Variants in ERBB4 observed in about 807,000 individuals in gnomAD.
ERBB4 encodes the protein erb-b2 receptor tyrosine kinase 4.
In ERBB4, 42 loss-of-function variants were observed where a neutral mutation model predicts 158.0. The ratio of observed to expected loss-of-function variants is 0.27; its 90% CI spans 0.21 to 0.34. The LOEUF (loss-of-function observed/expected upper bound fraction) is 0.34, where lower values mean the gene tolerates loss of function less well. ERBB4 is among the 10% of genes least tolerant of loss of function. The pLI, the probability that ERBB4 is intolerant of heterozygous loss-of-function variation, is 1.00. For missense variants in ERBB4, 1,333 were observed against 1,624.1 expected (o/e 0.82, Z 3.08); for synonymous variants, 583 against 558.7 (o/e 1.04, Z -0.61).
chr2:211,787,887 G>T (rs150248787), intron 4 of ERBB4, 138 bp downstream of exon 4: 2 of 760,418 alleles, frequency 2.6e-6, no homozygotes, highest in Non-Finnish European at 4.3e-6. Context: ...TCAGCCATTT[G>T]TTCTGCCATA....
chr2:212,022,547 G>C (rs1463258359), intron 2 of ERBB4, among the ~76,000 whole-genome samples: 1 of 152,006 alleles, frequency 6.6e-6, no homozygotes, highest in Non-Finnish European at 1.5e-5. Flanking sequence ...GTGTAGAGTG[G>C]GGAGAGCATC....
rs528082386 is a variant in ERBB4, at chr2:211,657,806, C to T, written c.1894G>A (p.Asp632Asn). 1 of 1,613,956 alleles carries T rather than the reference C, an allele frequency of 6.2e-7. No homozygotes were observed. Among genetic ancestry groups the T allele is most frequent in the East Asian group, 2.2e-5 (1 of 44,868 alleles). ...TQGCNGPTSH[D>N]CIYYPWTGHS... is the part of the protein sequence containing the mutation. The stretch of plus-strand genomic sequence containing the variant: ...CCCGTCCATGGGTAGTAAATGCAGT[C>T]ATGACTAGTGGGACCGTTACACCTG... Residue 632 changes from aspartate (D) to asparagine (N), a missense_variant, in exon 16 of 28, where the codon GAC becomes AAC. By Grantham distance (23) the Asp-to-Asn change is conservative. Transcript: ENST00000342788.
intron 12 of ERBB4, among the ~76,000 whole-genome samples, chr2:211,696,855 A>G (rs1486110198): frequency 6.6e-6 from 1 of 151,906 alleles, no homozygotes; most frequent in Non-Finnish European, 1.5e-5. Flanking sequence ...TTTTTACTAG[A>G]GACGGGGTTT....
rs536342276 is a variant in ERBB4, at chr2:211,657,225, G to A, written c.1946+529C>T. On this transcript the variant is annotated intron_variant, in intron 16 of 27. Coordinates refer to ENST00000342788, the MANE Select transcript of ERBB4 (RefSeq NM_005235.3). Reference sequence around the variant, plus strand: ...GTTTAGACTACACAAATTAAAAATCGAGGCCGGGCACAGTGGCTCACACTT... The same window carrying A: ...GTTTAGACTACACAAATTAAAAATCAAGGCCGGGCACAGTGGCTCACACTT... Among the ~76,000 whole-genome samples the A allele has an allele frequency of 1.1e-4, 16 of 151,042 alleles. 1 individual carries two copies. The highest frequency in any genetic ancestry group is 3.0e-4 in the African/African-American group (12 of 40,652).
chr2:211,652,174 C>T (rs1034226572), intron 16 of ERBB4, among the ~76,000 whole-genome samples: 15 of 152,174 alleles, frequency 9.9e-5, no homozygotes, highest in Middle Eastern at 3.4e-3. Flanking sequence ...TGAGCTGAGA[C>T]GTTTTGCTCT....
At chr2:212,003,212 A>AAG (rs2076172881) in intron 2 of ERBB4, among the ~76,000 whole-genome samples, 3 of 40,502 alleles carry the variant, frequency 7.4e-5, no homozygotes, top group African/African-American at 1.9e-4. Context: ...AAAGACAGAA[A>AAG]GAAGGAAGGA....
chr2:212,471,730 T>C (rs1689127730), intron 1 of ERBB4, among the ~76,000 whole-genome samples: 1 of 151,922 alleles, frequency 6.6e-6, no homozygotes, highest in South Asian at 2.1e-4. Flanking sequence ...ATAAAGAAGA[T>C]TCAAAGTTAC....
intron 2 of ERBB4, among the ~76,000 whole-genome samples, chr2:211,974,156 A>G (rs767237206): frequency 3.3e-5 from 5 of 152,176 alleles, no homozygotes; most frequent in Non-Finnish European, 5.9e-5. Flanking sequence ...TGAATGATGA[A>G]ATAATCTGTA....
At position 212,003,200 on chromosome 2, in the gene ERBB4, AGAAAGACAGAAAGAAGGAAG is replaced by A. The variant is rs1398798424; in HGVS notation, c.235-55604_235-55585del. ...AAGAAAGAAAGAAAGAAAGAAAGAAAGAAAGACAGAAAGAAGGAAGGAAGGAAGGAAGGAAGGAAGGAAGG... is the reference window on the plus strand; with the variant it reads ...AAGAAAGAAAGAAAGAAAGAAAGAAAGAAGGAAGGAAGGAAGGAAGGAAGG... On this transcript the variant is annotated intron_variant, in intron 2 of 27. Coordinates refer to ENST00000342788, the MANE Select transcript of ERBB4 (RefSeq NM_005235.3). 9.4e-3 allele frequency among the ~76,000 whole-genome samples: 547 copies of A among 58,482 alleles called. 28 individuals carry two copies. The highest frequency in any genetic ancestry group is 0.015 in the Non-Finnish European group (324 of 21,852). The allele number at this position is 58,482 out of a possible 152,430, so 38.4% of individuals were successfully genotyped here.
intron 2 of ERBB4, among the ~76,000 whole-genome samples, chr2:211,978,229 T>C (rs2081674291): frequency 6.6e-6 from 1 of 151,892 alleles, no homozygotes; most frequent in Non-Finnish European, 1.5e-5. Flanking sequence ...TGCAGGGCAA[T>C]TGAACATGGG....
At chr2:212,263,523 A>G (rs2085019937) in intron 1 of ERBB4, among the ~76,000 whole-genome samples, 1 of 152,168 alleles carries the variant, frequency 6.6e-6, no homozygotes, top group African/African-American at 2.4e-5. Flanking sequence ...CAGCCCCTGT[A>G]GAGCAAATAC....
intron 17 of ERBB4, among the ~76,000 whole-genome samples, chr2:211,624,427 C>A (rs1275178587): frequency 6.6e-6 from 1 of 152,074 alleles, no homozygotes; most frequent in Admixed American, 6.6e-5. Context: ...ACGCACAATG[C>A]CAAAACCCTA....
chr2:212,399,937 T>C (rs73060392), intron 1 of ERBB4, among the ~76,000 whole-genome samples: 3,643 of 152,028 alleles, frequency 0.024, 140 homozygotes, highest in African/African-American at 0.082. Context: ...ATGAACATCA[T>C]GACAAAAGTT....
intron 12 of ERBB4, among the ~76,000 whole-genome samples, chr2:211,696,353 T>C (rs2073021887): frequency 1.3e-5 from 2 of 152,112 alleles, no homozygotes; most frequent in African/African-American, 2.4e-5. Context: ...GCAGGTGATC[T>C]GCCCACCTCG....
intron 1 of ERBB4, among the ~76,000 whole-genome samples, chr2:212,510,138 GTATA>G (rs10645606): frequency 1.2e-4 from 17 of 145,980 alleles, no homozygotes; most frequent in African/African-American, 4.3e-4. Flanking sequence ...AGATGTGTGT[GTATA>G]TATATACATA....
At chr2:211,580,728 T>G (rs1453433545) in intron 19 of ERBB4, among the ~76,000 whole-genome samples, 2 of 143,780 alleles carry the variant, frequency 1.4e-5, no homozygotes, top group African/African-American at 5.1e-5. Context: ...AATTTGCAAT[T>G]GCAAAAACGT....
At chr2:212,121,274 C>T (rs2079739691) in intron 2 of ERBB4, among the ~76,000 whole-genome samples, 1 of 152,204 alleles carries the variant, frequency 6.6e-6, no homozygotes, top group South Asian at 2.1e-4. Context: ...CTGTGTTGCA[C>T]AGGCTGGAGT....
chr2:212,103,965 T>C (rs1160919984), intron 2 of ERBB4, among the ~76,000 whole-genome samples: 1 of 152,056 alleles, frequency 6.6e-6, no homozygotes, highest in African/African-American at 2.4e-5. Context: ...GGTAAGTCAT[T>C]GTTCATTTTC....
chr2:212,385,179 A>G lies in ERBB4; in HGVS notation c.82+153270T>C, dbSNP rs570619972. Among the ~76,000 whole-genome samples the G allele has an allele frequency of 7.2e-5, 11 of 151,854 alleles. No individual in the cohort carries two copies. In the East Asian group the frequency reaches 2.1e-3, roughly 29 times the overall value. ...GCTGACAAATTAAAAGACTGCAGGC[A>G]ATGGCTGTAAAAATGCTTTTTCTGC... On this transcript the variant is annotated intron_variant, in intron 1 of 27. Coordinates refer to ENST00000342788, the MANE Select transcript of ERBB4 (RefSeq NM_005235.3).
Sources: gnomAD v4.1 joint callset for allele counts (sites outside exome capture counted in the v4.1 genomes callset) on GRCh38, gnomAD v4.1.1 for gene constraint, MANE v1.5 for transcripts, NCBI Gene and HGNC (gene_info 2026-07-23, HGNC 2026-07-21) for gene names.